LDB2: variants seen among roughly 807,000 people sequenced by gnomAD.
LDB2 encodes the protein LIM domain binding 2.
Under a neutral mutation model 44.3 loss-of-function variants are expected in LDB2, and 12 were observed. The observed-to-expected ratio is 0.27, with a 90% CI of 0.17 to 0.44. The LOEUF is 0.44. Ranked by LOEUF, LDB2 falls within the 20% of genes least tolerant of loss-of-function variation. The pLI is 1.00. For synonymous variants in LDB2, 164 were observed against 174.8 expected (o/e 0.94, Z 0.49); for missense variants, 344 against 473.5 (o/e 0.73, Z 2.54).
At chr4:16,746,879 C>T (rs554225804) in intron 2 of LDB2, among the ~76,000 whole-genome samples, 1 of 152,238 alleles carries the variant, frequency 6.6e-6, no homozygotes, top group Non-Finnish European at 1.5e-5. Context: ...TCATCTTCTC[C>T]TCAGGGTTCT....
chr4:16,833,566 C>T (rs534130381), intron 1 of LDB2, among the ~76,000 whole-genome samples: 21 of 136,448 alleles, frequency 1.5e-4, no homozygotes, highest in Non-Finnish European at 2.5e-4. Flanking sequence ...TTTTTTGAGA[C>T]GGAGTCTCTC....
At chr4:16,807,315 C>T (rs541047491) in intron 1 of LDB2, among the ~76,000 whole-genome samples, 5 of 152,162 alleles carry the variant, frequency 3.3e-5, no homozygotes, top group Admixed American at 3.3e-4. Flanking sequence ...AGCCATATGG[C>T]CTTAATTAAT....
At chr4:16,657,679 T>C (rs1414705024) in intron 2 of LDB2, among the ~76,000 whole-genome samples, 2 of 152,236 alleles carry the variant, frequency 1.3e-5, no homozygotes, top group Non-Finnish European at 1.5e-5. Context: ...ATATCAAGCT[T>C]ATTCCCACCT....
chr4:16,786,130 C>T (rs1774370756), intron 1 of LDB2, among the ~76,000 whole-genome samples: 1 of 152,194 alleles, frequency 6.6e-6, no homozygotes, highest in Admixed American at 6.5e-5. Flanking sequence ...TGAATTTCTT[C>T]TCAGCCAGAA....
chr4:16,658,728 C>T (rs1158408432), intron 2 of LDB2, among the ~76,000 whole-genome samples: 2 of 152,162 alleles, frequency 1.3e-5, no homozygotes, highest in African/African-American at 4.8e-5. Context: ...CAGGAATAAA[C>T]ACTTTTTAAG....
At chr4:16,677,922 T>C (rs997092260) in intron 2 of LDB2, among the ~76,000 whole-genome samples, 1 of 152,250 alleles carries the variant, frequency 6.6e-6, no homozygotes, top group African/African-American at 2.4e-5. Flanking sequence ...TGAATTAGAA[T>C]GTCAGTTTCG....
intron 2 of LDB2, among the ~76,000 whole-genome samples, chr4:16,679,920 T>C (rs7692454): frequency 0.14 from 21,419 of 152,186 alleles, 1,604 homozygotes; most frequent in South Asian, 0.2. Context: ...TCAGAACATC[T>C]TTCTCTTGTC....
At chr4:16,619,294 C>T (rs746286505) in intron 2 of LDB2, among the ~76,000 whole-genome samples, 2 of 152,174 alleles carry the variant, frequency 1.3e-5, no homozygotes, top group Non-Finnish European at 1.5e-5. Flanking sequence ...CACCAGGCTA[C>T]AGACCCTGAT....
chr4:16,759,883 A>T (rs1429058752), intron 1 of LDB2, among the ~76,000 whole-genome samples: 1 of 152,230 alleles, frequency 6.6e-6, no homozygotes, highest in East Asian at 1.9e-4. Context: ...AGTATTAAAA[A>T]TAGAGCAGTT....
chr4:16,790,885 G>C (rs1466518385), intron 1 of LDB2, among the ~76,000 whole-genome samples: 1 of 146,100 alleles, frequency 6.8e-6, no homozygotes, highest in African/African-American at 2.5e-5. Context: ...TTAAATTGTG[G>C]TATCCTGAGT....
chr4:16,621,495 T>C (rs912978972), intron 2 of LDB2, among the ~76,000 whole-genome samples: 1 of 152,238 alleles, frequency 6.6e-6, no homozygotes, highest in Non-Finnish European at 1.5e-5. Flanking sequence ...AGAAAGAGTT[T>C]GGGGTCTCCC....
chr4:16,517,301 A>G (rs973686963), intron 5 of LDB2, among the ~76,000 whole-genome samples: 39 of 152,052 alleles, frequency 2.6e-4, no homozygotes, highest in Non-Finnish European at 5.3e-4. Context: ...AGTATGAGCC[A>G]GGTTACAAGA....
chr4:16,541,226 T>C (rs186353173), intron 5 of LDB2, among the ~76,000 whole-genome samples: 40 of 152,210 alleles, frequency 2.6e-4, no homozygotes, highest in Admixed American at 2.6e-3. Context: ...GTGGGTTTCT[T>C]ATGAATGGTT....
At chr4:16,642,102 T>C (rs1735352338) in intron 2 of LDB2, among the ~76,000 whole-genome samples, 1 of 151,204 alleles carries the variant, frequency 6.6e-6, no homozygotes, top group Admixed American at 6.6e-5. Context: ...GAAAGGAGAG[T>C]TGCAACACAG....
intron 1 of LDB2, among the ~76,000 whole-genome samples, chr4:16,804,257 T>TAA (rs1778378219): frequency 6.6e-6 from 1 of 152,150 alleles, no homozygotes; most frequent in South Asian, 2.1e-4. Context: ...GGTACATATT[T>TAA]TTATACAATT....
intron 5 of LDB2, among the ~76,000 whole-genome samples, chr4:16,519,550 G>C (rs544381111): frequency 6.6e-6 from 1 of 151,386 alleles, no homozygotes; most frequent in African/African-American, 2.4e-5. Flanking sequence ...AAATGGTATT[G>C]ATCGACAGAG....
chr4:16,667,385 C>T (rs1160264950), intron 2 of LDB2, among the ~76,000 whole-genome samples: 1 of 152,102 alleles, frequency 6.6e-6, no homozygotes, highest in Non-Finnish European at 1.5e-5. Flanking sequence ...CTTGACAAGC[C>T]CATGGGCAAT....
intron 2 of LDB2, among the ~76,000 whole-genome samples, chr4:16,714,455 G>A (rs1756612171): frequency 6.6e-6 from 1 of 152,062 alleles, no homozygotes; most frequent in Admixed American, 6.5e-5. Flanking sequence ...TTGCTGCCAG[G>A]ACTACTCTCT....
At chr4:16,897,684 G>A (rs34914294) in intron 1 of LDB2, among the ~76,000 whole-genome samples, 32,696 of 151,498 alleles carry the variant, frequency 0.22, 3,873 homozygotes, top group Non-Finnish European at 0.26. Flanking sequence ...GGGGGGCACG[G>A]CCGACAGCAA....
Sources: allele counts gnomAD v4.1 joint callset (sites outside exome capture counted in the v4.1 genomes callset), GRCh38; gene constraint gnomAD v4.1.1; transcripts MANE v1.5; gene names NCBI Gene and HGNC (gene_info 2026-07-23, HGNC 2026-07-21).